RAB19: variants seen among roughly 807,000 people sequenced by gnomAD.
RAB19 encodes the protein ras-related protein Rab-19.
In RAB19, 21 loss-of-function variants were observed where a neutral mutation model predicts 17.3. That is an observed-to-expected ratio of 1.21 (90% CI 0.86 to 1.74). The LOEUF (loss-of-function observed/expected upper bound fraction) is 1.74. RAB19 is among the 40% of genes most tolerant of loss of function. The pLI, the probability that RAB19 is intolerant of heterozygous loss-of-function variation, is 0.00. For synonymous variants in RAB19, 126 were observed against 110.4 expected, an observed-to-expected ratio of 1.14 and a Z score of -0.88; for missense variants, 277 against 286.8, an observed-to-expected ratio of 0.97 and a Z score of 0.25.
Position 140,411,918 on chromosome 7 carries a change from C to A in RAB19, c.246C>A (p.Ile82=). Reference sequence around the variant, plus strand: ...CTGGCCAGGAGCGCTTCCGCACCATCACCCAAAGCTACTACCGCAGTGCCC... The same window carrying A: ...CTGGCCAGGAGCGCTTCCGCACCATAACCCAAAGCTACTACCGCAGTGCCC... ...DTAGQERFRT[I]TQSYYRSAHA... The change falls in exon 3 of 4, where the codon ATC becomes ATA. Residue 82 remains isoleucine (I), a synonymous_variant. Transcript: ENST00000537763. The A allele has an allele frequency of 6.2e-7, 1 of 1,614,208 alleles. No individual in the cohort carries two copies. The highest frequency in any genetic ancestry group is 8.5e-7 in the Non-Finnish European group (1 of 1,180,044).
chr7:140,404,643 G>A (rs1248181229), intron 1 of RAB19, among the ~76,000 whole-genome samples: 1 of 152,132 alleles, frequency 6.6e-6, no homozygotes, highest in Non-Finnish European at 1.5e-5. Context: ...CCTTGTCTAT[G>A]ACTTTAGAGA....
At chr7:140,412,527 A>ATT (rs377451819) in intron 3 of RAB19, among the ~76,000 whole-genome samples, 57 of 141,984 alleles carry the variant, frequency 4.0e-4, no homozygotes, top group African/African-American at 1.2e-3. Flanking sequence ...TGCCCAGCCC[A>ATT]TTTTTTTTTT....
intron 1 of RAB19, among the ~76,000 whole-genome samples, chr7:140,406,902 T>A (rs552148288): frequency 1.0e-3 from 154 of 151,812 alleles, no homozygotes; most frequent in Admixed American, 1.8e-3. Context: ...GTTTTTTTTT[T>A]GAGGTGGAGT....
chr7:140,413,644 G>C (rs868314274), intron 3 of RAB19, among the ~76,000 whole-genome samples: 53 of 152,080 alleles, frequency 3.5e-4, no homozygotes, highest in African/African-American at 1.1e-3. Context: ...TGAGGCTGCA[G>C]TGAGCTGTGA....
In RAB19 at chr7:140,426,218, G is replaced by C; in HGVS notation, c.*68G>C. 6.4e-7 allele frequency: 1 copy of C among 1,552,422 alleles called. No individual in the cohort carries two copies. Among genetic ancestry groups the C allele is most frequent in the African/African-American group, 1.4e-5 (1 of 73,086 alleles). Reference sequence around the variant, plus strand: ...TGAAACCAAAGGTAGCCAGGATACCGTAGTGTTGCCCCAGTGGCGCTTTAG... The same window carrying C: ...TGAAACCAAAGGTAGCCAGGATACCCTAGTGTTGCCCCAGTGGCGCTTTAG... On this transcript the variant is annotated 3_prime_UTR_variant, in exon 4 of 4. Coordinates refer to ENST00000537763, the MANE Select transcript of RAB19 (RefSeq NM_001008749.3).
chr7:140,410,322 T>TTTC (rs1554441264), intron 2 of RAB19, among the ~76,000 whole-genome samples: 1 of 123,044 alleles, frequency 8.1e-6, no homozygotes, highest in African/African-American at 3.0e-5. Context: ...TCTTTTTTTT[T>TTTC]TTTTTTTTTT....
intron 3 of RAB19, among the ~76,000 whole-genome samples, chr7:140,422,735 C>T (rs1383206717): frequency 5.9e-5 from 9 of 152,056 alleles, no homozygotes; most frequent in Non-Finnish European, 8.8e-5. Context: ...GAGCCTAGAA[C>T]GTTAACGCTG....
rs1393678467 is a variant in RAB19 at position 140,420,189 on chromosome 7, GGC to G, written c.386-5692_386-5691del. ...TAATCCCAGCACTTTGGGAGGCCGA[GGC>G]AGGTGGATCACCTGAGGTCAGGAGT... On this transcript the variant is annotated intron_variant, in intron 3 of 3. Coordinates refer to ENST00000537763, the MANE Select transcript of RAB19 (RefSeq NM_001008749.3). Among the ~76,000 whole-genome samples the G allele has an allele frequency of 4.6e-5, 7 of 152,196 alleles. No individual in the cohort carries two copies. The East Asian group carries it at 1.4e-3, about 29-fold the overall frequency.
At chr7:140,411,747 G>T in intron 2 of RAB19, 127 bp from the exon 3 acceptor site, 4 of 1,569,004 alleles carry the variant, frequency 2.5e-6, no homozygotes, top group Middle Eastern at 2.1e-4. Flanking sequence ...TCCCACCCCA[G>T]ATCTACTGGG....
At chr7:140,424,969 G>A (rs943545537) in intron 3 of RAB19, among the ~76,000 whole-genome samples, 1 of 151,946 alleles carries the variant, frequency 6.6e-6, no homozygotes, top group Non-Finnish European at 1.5e-5. Flanking sequence ...AACTTTTATT[G>A]TATGTAAATT....
Position 140,425,954 on chromosome 7 carries a change from G to T in RAB19, c.458G>T (p.Gly153Val). 6.2e-7 allele frequency: 1 copy of T among 1,614,140 alleles called. No homozygotes were observed. Among genetic ancestry groups the T allele is most frequent in the East Asian group, 2.2e-5 (1 of 44,864 alleles). ...EDACTLAEKY[G>V]LLAVLETSAK... The stretch of plus-strand genomic sequence containing the variant: ...GCCTGCACACTGGCTGAGAAGTACG[G>T]CCTCCTGGCCGTTTTGGAGACATCT... Residue 153 changes from glycine (G) to valine (V), a missense_variant, in exon 4 of 4, where the codon GGC becomes GTC. Transcript: ENST00000537763.
chr7:140,418,524 C>T (rs1000401217), intron 3 of RAB19, among the ~76,000 whole-genome samples: 5 of 150,296 alleles, frequency 3.3e-5, no homozygotes, highest in African/African-American at 7.4e-5. Context: ...TGCGGTGAGC[C>T]GAGATTGCGC....
chr7:140,410,768 A>G (rs1799345008), intron 2 of RAB19, among the ~76,000 whole-genome samples: 1 of 152,014 alleles, frequency 6.6e-6, no homozygotes, highest in South Asian at 2.1e-4. Context: ...TCATTTTTCT[A>G]TTATCTCTAG....
intron 2 of RAB19, 63 bp downstream of exon 2, chr7:140,407,910 T>C (rs1799278195): frequency 8.7e-7 from 1 of 1,150,086 alleles, no homozygotes; most frequent in African/African-American, 1.8e-5. Flanking sequence ...TTTTTTTCCT[T>C]GAGACGGAGT....
intron 3 of RAB19, among the ~76,000 whole-genome samples, chr7:140,423,093 G>A (rs1316541999): frequency 6.6e-6 from 1 of 152,082 alleles, no homozygotes; most frequent in Non-Finnish European, 1.5e-5. Context: ...GGGCGACAGA[G>A]CAAGGCTCTG....
chr7:140,420,820 T>G (rs940463567), intron 3 of RAB19, among the ~76,000 whole-genome samples: 4 of 152,190 alleles, frequency 2.6e-5, no homozygotes, highest in Non-Finnish European at 5.9e-5. Context: ...TCTTCCACCC[T>G]GTGGAGTAAC....
At chr7:140,408,914 A>G (rs1401875799) in intron 2 of RAB19, among the ~76,000 whole-genome samples, 2 of 152,166 alleles carry the variant, frequency 1.3e-5, no homozygotes, top group Non-Finnish European at 2.9e-5. Flanking sequence ...GCACCCCACC[A>G]TGCCCAACTC....
At chr7:140,410,150 G>A (rs1415909633) in intron 2 of RAB19, among the ~76,000 whole-genome samples, 4 of 151,388 alleles carry the variant, frequency 2.6e-5, no homozygotes, top group Admixed American at 2.6e-4. Flanking sequence ...TTATGTTTTT[G>A]AGACAGGGTC....
intron 2 of RAB19, 42 bp downstream of exon 2, chr7:140,407,889 T>A: frequency 4.2e-6 from 4 of 955,630 alleles, no homozygotes; most frequent in Non-Finnish European, 6.1e-6. Context: ...CCTTTTTTTT[T>A]TTTTTTTTTT....
Sources: allele counts gnomAD v4.1 joint callset (sites outside exome capture counted in the v4.1 genomes callset), GRCh38; gene constraint gnomAD v4.1.1; transcripts MANE v1.5; gene names NCBI Gene and HGNC (gene_info 2026-07-23, HGNC 2026-07-21).